STOX2: variants seen among roughly 807,000 people sequenced by gnomAD.
STOX2 encodes storkhead-box protein 2.
In STOX2, 28 loss-of-function variants were observed where a neutral mutation model predicts 60.9. The observed-to-expected ratio is 0.46, with a 90% CI of 0.34 to 0.63. STOX2 has a LOEUF of 0.63. STOX2 is among the 30% of genes least tolerant of loss of function. The pLI, the probability that STOX2 is intolerant of heterozygous loss-of-function variation, is 0.01. For missense variants in STOX2, 1,024 were observed against 1,187.7 expected, an observed-to-expected ratio of 0.86 and a Z score of 2.03; for synonymous variants, 472 against 463.9, an observed-to-expected ratio of 1.02 and a Z score of -0.22.
chr4:183,858,507 G>T (rs1740356711), intron 1 of STOX2, among the ~76,000 whole-genome samples: 1 of 152,146 alleles, frequency 6.6e-6, no homozygotes, highest in Non-Finnish European at 1.5e-5. Flanking sequence ...ATTTATAGAT[G>T]GGGTATTTAC....
intron 1 of STOX2, among the ~76,000 whole-genome samples, chr4:183,849,688 A>G (rs1740069382): frequency 6.6e-6 from 1 of 152,210 alleles, no homozygotes; most frequent in Admixed American, 6.5e-5. Context: ...AGATCTCTAC[A>G]GCCAGAAATA....
At chr4:183,942,336 G>C (rs1385695499) in intron 1 of STOX2, among the ~76,000 whole-genome samples, 1 of 130,602 alleles carries the variant, frequency 7.7e-6, no homozygotes, top group Admixed American at 7.8e-5. Flanking sequence ...AGGCTTCTAG[G>C]TTTTTTTTTT....
intron 1 of STOX2, among the ~76,000 whole-genome samples, chr4:183,877,838 A>G (rs1343801297): frequency 6.6e-6 from 1 of 150,872 alleles, no homozygotes; most frequent in Non-Finnish European, 1.5e-5. Context: ...CTGCCACCAC[A>G]CCTGACTAAT....
Position 184,017,184 on chromosome 4 carries a change from C to T in STOX2, c.2681C>T (p.Pro894Leu). Residue 894 changes from proline to leucine, a missense_variant, in exon 4 of 4, where the codon CCA becomes CTA. By Grantham distance (98) the Pro-to-Leu change is moderately conservative. Transcript: ENST00000308497. ...ALSPAHGGAG[P>L]AFNFRASAEP... is the part of the protein sequence containing the mutation. ...AGCCCGGCCCATGGTGGAGCTGGTCCAGCCTTCAACTTCCGAGCGAGCGCG... is the reference window on the plus strand; with the variant it reads ...AGCCCGGCCCATGGTGGAGCTGGTCTAGCCTTCAACTTCCGAGCGAGCGCG... The T allele has an allele frequency of 6.2e-7, 1 of 1,613,176 alleles. No homozygotes were observed. The highest frequency in any genetic ancestry group is 1.1e-5 in the South Asian group (1 of 90,914).
chr4:183,844,481 C>T (rs1347346880), intron 1 of STOX2, among the ~76,000 whole-genome samples: 1 of 152,034 alleles, frequency 6.6e-6, no homozygotes, highest in East Asian at 1.9e-4. Context: ...TAAATGGAGT[C>T]ACCTCTTTTT....
chr4:183,914,353 C>G (rs531117177), intron 1 of STOX2, among the ~76,000 whole-genome samples: 48 of 152,220 alleles, frequency 3.2e-4, no homozygotes, highest in Non-Finnish European at 5.9e-4. Context: ...GGAAGGATCA[C>G]CTGAGCCTGG....
intron 1 of STOX2, among the ~76,000 whole-genome samples, chr4:183,815,843 A>T (rs1312217596): frequency 6.6e-6 from 1 of 152,266 alleles, no homozygotes; most frequent in Non-Finnish European, 1.5e-5. Context: ...GTCTATTTTC[A>T]GGAAGGCAGA....
chr4:183,892,706 T>C (rs1741251317), intron 1 of STOX2, among the ~76,000 whole-genome samples: 1 of 152,120 alleles, frequency 6.6e-6, no homozygotes, highest in South Asian at 2.1e-4. Context: ...AAAAGCAAAC[T>C]GGACACTCTT....
chr4:184,013,068 C>T (rs1327470912), intron 3 of STOX2, among the ~76,000 whole-genome samples: 1 of 152,160 alleles, frequency 6.6e-6, no homozygotes, highest in Non-Finnish European at 1.5e-5. Context: ...CCTCTGCCTC[C>T]TACCTGCTTT....
chr4:183,850,381 A>G (rs975141422), intron 1 of STOX2, among the ~76,000 whole-genome samples: 2 of 152,168 alleles, frequency 1.3e-5, no homozygotes, highest in Non-Finnish European at 2.9e-5. Context: ...TGTGCTTATT[A>G]TTCTTTATGA....
intron 1 of STOX2, among the ~76,000 whole-genome samples, chr4:183,929,167 A>AT (rs1742337780): frequency 6.6e-6 from 1 of 152,210 alleles, no homozygotes; most frequent in South Asian, 2.1e-4. Flanking sequence ...AAACATGGAG[A>AT]TTTGCTGAAG....
At chr4:183,807,706 G>C (rs892609732) in intron 1 of STOX2, among the ~76,000 whole-genome samples, 1 of 152,192 alleles carries the variant, frequency 6.6e-6, no homozygotes, top group Admixed American at 6.5e-5. Flanking sequence ...TGAGCTGGGG[G>C]AGGTGGGGTA....
intron 1 of STOX2, among the ~76,000 whole-genome samples, chr4:183,917,872 A>G (rs1579414539): frequency 6.6e-6 from 1 of 152,364 alleles, no homozygotes; most frequent in Non-Finnish European, 1.5e-5. Flanking sequence ...AATCCTAACA[A>G]TCTATGTTAT....
intron 1 of STOX2, among the ~76,000 whole-genome samples, chr4:183,885,087 C>G (rs1009340373): frequency 1.3e-5 from 2 of 152,114 alleles, no homozygotes; most frequent in African/African-American, 4.8e-5. Flanking sequence ...AATAAAAACC[C>G]GTGTCTTCTG....
chr4:183,884,178 T>C (rs972307784), intron 1 of STOX2, among the ~76,000 whole-genome samples: 1 of 152,210 alleles, frequency 6.6e-6, no homozygotes, highest in African/African-American at 2.4e-5. Flanking sequence ...TTTAACATGA[T>C]GCTTTTCTAA....
intron 1 of STOX2, among the ~76,000 whole-genome samples, chr4:183,966,983 A>G (rs1221286001): frequency 6.6e-6 from 1 of 152,190 alleles, no homozygotes; most frequent in Non-Finnish European, 1.5e-5. Flanking sequence ...ATGAGAACAA[A>G]GTGACGTGAC....
chr4:183,919,058 A>G (rs1742015360), intron 1 of STOX2, among the ~76,000 whole-genome samples: 1 of 152,226 alleles, frequency 6.6e-6, no homozygotes, highest in African/African-American at 2.4e-5. Context: ...CTTGCTTTCT[A>G]TGGTTATGCC....
At chr4:183,802,645 G>A (rs1278316667) in intron 1 of STOX2, among the ~76,000 whole-genome samples, 4 of 147,036 alleles carry the variant, frequency 2.7e-5, no homozygotes, top group Non-Finnish European at 4.4e-5. Context: ...TCGCTCTGTC[G>A]CCCAGGCTGG....
chr4:183,892,420 G>GCA (rs1741241898), intron 1 of STOX2, among the ~76,000 whole-genome samples: 1 of 151,648 alleles, frequency 6.6e-6, no homozygotes, highest in African/African-American at 2.4e-5. Flanking sequence ...CTGGGACTAT[G>GCA]GGCGCCCGCC....
Sources: allele counts gnomAD v4.1 joint callset (sites outside exome capture counted in the v4.1 genomes callset), GRCh38; gene constraint gnomAD v4.1.1; transcripts MANE v1.5; gene names NCBI Gene and HGNC (gene_info 2026-07-23, HGNC 2026-07-21).